Variants in KIF27 observed in about 807,000 individuals in gnomAD.
KIF27 encodes the protein kinesin-like protein KIF27.
A neutral mutation model predicts 141.8 loss-of-function variants in KIF27; 84 were observed. The observed-to-expected ratio is 0.59, with a 90% CI of 0.50 to 0.71. KIF27 has a LOEUF of 0.71. Ranked by LOEUF, KIF27 falls within the 30% of genes least tolerant of loss-of-function variation. The pLI is 0.00. For missense variants in KIF27, 1,306 were observed against 1,628.4 expected (o/e 0.80, Z 3.41); for synonymous variants, 471 against 569.5 (o/e 0.83, Z 2.46).
At position 83,859,275 on chromosome 9, in the gene KIF27, CA is replaced by C; in HGVS notation, c.3030del (p.Glu1011ArgfsTer91). On this transcript the variant is annotated frameshift_variant, in exon 14 of 18. Coordinates refer to ENST00000297814, the MANE Select transcript of KIF27 (RefSeq NM_017576.4). LOFTEE classifies it high-confidence loss of function. ...EKNVQLQTSTAEEKTKISEQV... is the reference protein window; with the variant it reads ...EKNVQLQTSTXEEKTKISEQV... The stretch of plus-strand genomic sequence containing the variant: ...TGTTCTGAAATCTTTGTTTTCTCCT[CA>C]GCTGTACTGGTCTGGAGCTGCACAT... 1 of 1,614,046 alleles carries C rather than the reference CA, an allele frequency of 6.2e-7. No homozygotes were observed. The highest frequency in any genetic ancestry group is 8.5e-7 in the Non-Finnish European group (1 of 1,179,958).
chr9:83,839,729 G>A lies in KIF27; in HGVS notation c.3722-2244C>T, dbSNP rs371479740. 2.0e-4 allele frequency among the ~76,000 whole-genome samples: 30 copies of A among 152,316 alleles called. No individual in the cohort carries two copies. In the South Asian group the frequency reaches 6.2e-3, roughly 32 times the overall value. ...GCACTTTGGGAGGCCAAGGCTGGTG[G>A]ATCACCTGAGGTCAGGAGTTTGAGA... On this transcript the variant is annotated intron_variant, in intron 17 of 17. Coordinates refer to ENST00000297814, the MANE Select transcript of KIF27 (RefSeq NM_017576.4).
rs1946661818 is a variant in KIF27, at chr9:83,842,250, T to C, written c.3708A>G (p.Leu1236=). 2 of 1,561,306 alleles carry C rather than the reference T, an allele frequency of 1.3e-6. No individual in the cohort carries two copies. The highest frequency in any genetic ancestry group is 1.4e-5 in the African/African-American group (1 of 71,348). ...TAAAAGTCTTACACTCTGATGGTGC[T>C]AGTTGCCGCCGAATTGCTTCCCCTA... ...ELVGEAIRRQ[L]APSEYQEAGD... The change falls in exon 17 of 18, where the codon CTA becomes CTG. Residue 1236 remains leucine, a synonymous_variant. Transcript: ENST00000297814.
intron 11 of KIF27, among the ~76,000 whole-genome samples, chr9:83,871,363 C>A (rs144751592): frequency 4.0e-3 from 608 of 152,258 alleles, no homozygotes; most frequent in Non-Finnish European, 6.6e-3. Flanking sequence ...TGAGGCAATA[C>A]AACTGCAAAA....
At position 83,887,195 on chromosome 9, in the gene KIF27, A is replaced by G; in HGVS notation, c.2085T>C (p.Asp695=). The G allele has an allele frequency of 2.7e-6, 4 of 1,479,876 alleles. No individual in the cohort carries two copies. The highest frequency in any genetic ancestry group is 3.6e-6 in the Non-Finnish European group (4 of 1,109,544). 91.7% of individuals were successfully genotyped at this position (1,479,876 alleles called of 1,614,324 possible). ...ETQKSDLENE[D]LKIDCLQESQ... ...TCTCCTGGAGACAATCAATCTTTAAATCTTTAAAAAAAAATGGAGAAATAA... is the reference window on the plus strand; with the variant it reads ...TCTCCTGGAGACAATCAATCTTTAAGTCTTTAAAAAAAAATGGAGAAATAA... Residue 695 remains aspartate, a splice_region_variant and synonymous_variant, in exon 9 of 18, where the codon GAT becomes GAC. Coordinates refer to ENST00000297814, the MANE Select transcript of KIF27 (RefSeq NM_017576.4).
chr9:83,869,814 C>A (rs1950624971), intron 12 of KIF27, among the ~76,000 whole-genome samples: 2 of 152,076 alleles, frequency 1.3e-5, no homozygotes, highest in Non-Finnish European at 2.9e-5. Flanking sequence ...CTACAACATT[C>A]AAATCAACTC....
intron 5 of KIF27, among the ~76,000 whole-genome samples, chr9:83,895,806 C>G (rs1953157518): frequency 6.6e-6 from 1 of 151,798 alleles, no homozygotes; most frequent in Admixed American, 6.6e-5. Flanking sequence ...GCCTGTAATC[C>G]CAGTACTTTG....
intron 1 of KIF27, among the ~76,000 whole-genome samples, chr9:83,916,144 G>GC (rs1955654967): frequency 6.6e-6 from 1 of 151,890 alleles, no homozygotes; most frequent in African/African-American, 2.4e-5. Flanking sequence ...TGATTCTCCT[G>GC]CCTCAGGCCT....
At chr9:83,890,011 GT>G (rs1197771678) in intron 6 of KIF27, among the ~76,000 whole-genome samples, 3 of 151,954 alleles carry the variant, frequency 2.0e-5, no homozygotes, top group Admixed American at 2.0e-4. Context: ...CACCATCTCT[GT>G]AACCAAATCT....
chr9:83,901,316 A>G (rs1181380027), intron 4 of KIF27, among the ~76,000 whole-genome samples: 2 of 152,202 alleles, frequency 1.3e-5, no homozygotes, highest in African/African-American at 2.4e-5. Context: ...TTCAAATCTC[A>G]TATTTCAAGT....
chr9:83,915,134 A>G (rs1955561220), intron 2 of KIF27, among the ~76,000 whole-genome samples, 160 bp downstream of exon 2: 1 of 152,244 alleles, frequency 6.6e-6, no homozygotes, highest in Non-Finnish European at 1.5e-5. Context: ...TTAAAAACGA[A>G]TCTTTCAAAG....
In KIF27 at chr9:83,850,157, C is replaced by A. The variant is rs1587962248; in HGVS notation, c.3498G>T (p.Leu1166=). 1 of 1,613,918 alleles carries A rather than the reference C, an allele frequency of 6.2e-7. No homozygotes were observed. Among genetic ancestry groups the A allele is most frequent in the East Asian group, 2.2e-5 (1 of 44,884 alleles). ...GTTCGTGTTCCTTTTGCTGGAGGGTCAGTCTCCGGTCACACTGCAATTTTA... is the reference window on the plus strand; with the variant it reads ...GTTCGTGTTCCTTTTGCTGGAGGGTAAGTCTCCGGTCACACTGCAATTTTA... ...DHLKLQCDRR[L]TLQQKEHEQK... is the part of the protein sequence containing the mutation. The change falls in exon 16 of 18, where the codon CTG becomes CTT. Residue 1166 remains leucine (L), a synonymous_variant. Coordinates refer to ENST00000297814, the MANE Select transcript of KIF27 (RefSeq NM_017576.4).
intron 3 of KIF27, among the ~76,000 whole-genome samples, chr9:83,904,373 T>A (rs1374061047): frequency 1.4e-5 from 2 of 147,150 alleles, no homozygotes; most frequent in East Asian, 3.9e-4. Context: ...AATAGATTAA[T>A]CCTTTTTTTT....
At chr9:83,902,348 G>T (rs1023842072) in intron 4 of KIF27, among the ~76,000 whole-genome samples, 1 of 152,170 alleles carries the variant, frequency 6.6e-6, no homozygotes, top group Admixed American at 6.5e-5. Flanking sequence ...CCATTCATTT[G>T]CTCACTAGCT....
At chr9:83,879,178 C>CA (rs576630144) in intron 11 of KIF27, among the ~76,000 whole-genome samples, 19,892 of 98,708 alleles carry the variant, frequency 0.2, 1,668 homozygotes, top group African/African-American at 0.28. Flanking sequence ...AACTCCATCT[C>CA]AAAAAAAAAA....
chr9:83,918,551 C>G (rs1177069590), intron 1 of KIF27, among the ~76,000 whole-genome samples: 1 of 151,948 alleles, frequency 6.6e-6, no homozygotes, highest in Non-Finnish European at 1.5e-5. Context: ...GCAAAGCATC[C>G]GAAAAGGCAG....
chr9:83,920,806 T>C (rs1292310657), intron 1 of KIF27, among the ~76,000 whole-genome samples: 2 of 152,196 alleles, frequency 1.3e-5, no homozygotes, highest in Admixed American at 6.5e-5. Context: ...CGGGCTTGAA[T>C]GTGCCCAAGG....
intron 12 of KIF27, 179 bp from the exon 13 acceptor site, chr9:83,868,039 A>G (rs1057463124): frequency 1.7e-5 from 10 of 575,720 alleles, no homozygotes; most frequent in Non-Finnish European, 2.3e-5. Context: ...GTCAAGATGT[A>G]GCTATGTTGT....
At chr9:83,906,434 T>TA (rs1954541422) in intron 3 of KIF27, among the ~76,000 whole-genome samples, 1 of 152,074 alleles carries the variant, frequency 6.6e-6, no homozygotes. Flanking sequence ...ATATGGTTTT[T>TA]AGGGGAAGAA....
At chr9:83,867,589 C>T in intron 13 of KIF27, 95 bp downstream of exon 13, 1 of 1,414,342 alleles carries the variant, frequency 7.1e-7, no homozygotes, top group Non-Finnish European at 9.3e-7. Context: ...CCTCCTCCCA[C>T]ACATTTCTTA....
Sources: allele counts gnomAD v4.1 joint callset (sites outside exome capture counted in the v4.1 genomes callset), GRCh38; gene constraint gnomAD v4.1.1; transcripts MANE v1.5; gene names NCBI Gene and HGNC (gene_info 2026-07-23, HGNC 2026-07-21).